ITGB3BP: variants seen among roughly 807,000 people sequenced by gnomAD.
ITGB3BP encodes centromere protein R.
In ITGB3BP, 27 loss-of-function variants were observed where a neutral mutation model predicts 29.1. The observed-to-expected ratio is 0.93, with a 90% CI of 0.68 to 1.28. The LOEUF is 1.28. ITGB3BP is among the 50% of genes most tolerant of loss of function. ITGB3BP has a pLI of 0.00. For missense variants in ITGB3BP, 192 were observed against 200.2 expected, an observed-to-expected ratio of 0.96 and a Z score of 0.25; for synonymous variants, 61 against 61.4, an observed-to-expected ratio of 0.99 and a Z score of 0.03.
chr1:63,520,343 T>G (rs1646419846), intron 1 of ITGB3BP, among the ~76,000 whole-genome samples: 1 of 152,152 alleles, frequency 6.6e-6, no homozygotes, highest in Non-Finnish European at 1.5e-5. Context: ...CCAAAGTCCA[T>G]GATTTTTCCA....
chr1:63,451,650 T>G (rs569012379), intron 7 of ITGB3BP: 14 of 151,960 alleles, frequency 9.2e-5, no homozygotes, highest in African/African-American at 3.4e-4. Flanking sequence ...CCCCCAAAAC[T>G]AATATGTATG....
intron 1 of ITGB3BP, among the ~76,000 whole-genome samples, chr1:63,520,183 A>C (rs1008865869): frequency 6.6e-6 from 1 of 152,008 alleles, no homozygotes; most frequent in Non-Finnish European, 1.5e-5. Context: ...CTGTCTACAT[A>C]GAATGAAATC....
At chr1:63,474,252 G>A (rs1201433153) in intron 4 of ITGB3BP, among the ~76,000 whole-genome samples, 58 of 131,828 alleles carry the variant, frequency 4.4e-4, no homozygotes, top group Non-Finnish European at 5.1e-4. Context: ...CTGGCCAGCC[G>A]CCCCGTCCGG....
At chr1:63,478,635 G>C in intron 4 of ITGB3BP, 129 bp downstream of exon 4, 1 of 533,364 alleles carries the variant, frequency 1.9e-6, no homozygotes, top group Non-Finnish European at 3.3e-6. Flanking sequence ...ACTTACTTAA[G>C]AAAGAATATT....
In ITGB3BP at chr1:63,454,062, AAAT is replaced by A. The variant is rs1333429541; in HGVS notation, c.428-91_428-89del. 7.7e-6 allele frequency: 5 copies of A among 647,998 alleles called. No individual in the cohort carries two copies. Among genetic ancestry groups the A allele is most frequent in the African/African-American group, 7.4e-5 (4 of 54,092 alleles). The allele number at this position is 647,998 out of a possible 1,614,324, so 40.1% of individuals were successfully genotyped here. A position where few individuals can be genotyped will look rare whatever the true frequency, so the allele number is the denominator to read the frequency against. On this transcript the variant is annotated intron_variant, in intron 6 of 8. Transcript: ENST00000271002. The surrounding 1 kb of genome is among the most constrained non-coding windows in gnomAD (Gnocchi z 4.1). ...TGCAACAAACAACTTCATGAGAAAA[AAAT>A]AATTCAAAATAATACATATTTATAA... is the stretch of plus-strand genomic sequence containing the variant.
At chr1:63,459,147 G>T (rs1644976939) in intron 4 of ITGB3BP, among the ~76,000 whole-genome samples, 1 of 151,414 alleles carries the variant, frequency 6.6e-6, no homozygotes, top group South Asian at 2.1e-4. Flanking sequence ...AGCACCCAAT[G>T]CTGCTTAACT....
At chr1:63,472,671 T>A (rs1645226023) in intron 4 of ITGB3BP, among the ~76,000 whole-genome samples, 1 of 151,060 alleles carries the variant, frequency 6.6e-6, no homozygotes, top group African/African-American at 2.4e-5. Flanking sequence ...GAGACGGGGT[T>A]TTGCTGTGTT....
At chr1:63,506,449 G>A (rs1015736342) in intron 2 of ITGB3BP, among the ~76,000 whole-genome samples, 3 of 152,056 alleles carry the variant, frequency 2.0e-5, no homozygotes, top group East Asian at 1.9e-4. Flanking sequence ...TCACTACCAC[G>A]AGGACAGTAT....
At chr1:63,449,829 AT>A (rs1305294325) in intron 7 of ITGB3BP, 1 of 154,476 alleles carries the variant, frequency 6.5e-6, no homozygotes, top group Non-Finnish European at 1.5e-5. Flanking sequence ...TTTGAAAAAA[AT>A]ATATTGTTTA....
At chr1:63,521,595 GC>G (rs1376402722) in intron 1 of ITGB3BP, among the ~76,000 whole-genome samples, 1 of 152,078 alleles carries the variant, frequency 6.6e-6, no homozygotes, top group African/African-American at 2.4e-5. Context: ...ACATTGGGAG[GC>G]TGAGGTGGAA....
At chr1:63,452,282 G>A (rs1248318138) in intron 7 of ITGB3BP, among the ~76,000 whole-genome samples, 6 of 152,090 alleles carry the variant, frequency 3.9e-5, no homozygotes, top group Non-Finnish European at 2.9e-5. Context: ...AAAGCTGTTT[G>A]CAAAGGCCAA....
upstream of ITGB3BP, chr1:63,525,804 T>C: frequency 1.5e-6 from 2 of 1,331,388 alleles, no homozygotes; most frequent in Non-Finnish European, 2.0e-6. Context: ...TTGTTGAAAG[T>C]TAATAAATAG....
chr1:63,469,480 C>A (rs1645158856), intron 4 of ITGB3BP, among the ~76,000 whole-genome samples: 1 of 152,138 alleles, frequency 6.6e-6, no homozygotes, highest in Non-Finnish European at 1.5e-5. Flanking sequence ...ACATGGGCAC[C>A]ATGCCCAGCT....
In ITGB3BP at chr1:63,510,347, T is replaced by C. The variant is rs146581149; in HGVS notation, c.6-1777A>G. ...AACTGTTCAAAATATTGCTTTGTTA[T>C]CAATGGTTAATTCTTAGACAAAGTA... On this transcript the variant is annotated intron_variant, in intron 1 of 8. Coordinates refer to ENST00000271002, the MANE Select transcript of ITGB3BP (RefSeq NM_014288.5). 7.8e-3 allele frequency among the ~76,000 whole-genome samples: 1,190 copies of C among 152,212 alleles called. 13 individuals carry two copies. Among genetic ancestry groups the C allele is most frequent in the African/African-American group, 0.026 (1,077 of 41,444 alleles).
At chr1:63,489,490 T>A (rs1408002529) in intron 3 of ITGB3BP, among the ~76,000 whole-genome samples, 1 of 151,104 alleles carries the variant, frequency 6.6e-6, no homozygotes, top group South Asian at 2.1e-4. Flanking sequence ...ACAACAAATA[T>A]GTATGGTCAA....
At chr1:63,492,096 A>G (rs569509072) in intron 2 of ITGB3BP, among the ~76,000 whole-genome samples, 2 of 152,204 alleles carry the variant, frequency 1.3e-5, no homozygotes, top group South Asian at 4.1e-4. Flanking sequence ...TCCAATTGCC[A>G]TATGTCTAAA....
chr1:63,526,003 G>A (rs74078249), upstream of ITGB3BP, among the ~76,000 whole-genome samples: 1,895 of 152,110 alleles, frequency 0.012, 45 homozygotes, highest in African/African-American at 0.044. Context: ...ATTACTACTT[G>A]CTTAAGATAC....
At chr1:63,493,338 C>A (rs1645705887) in intron 2 of ITGB3BP, among the ~76,000 whole-genome samples, 2 of 151,934 alleles carry the variant, frequency 1.3e-5, no homozygotes, top group Admixed American at 1.3e-4. Flanking sequence ...TCACTTGGAC[C>A]CAGGAGGCAG....
At chr1:63,494,126 A>G (rs1052758880) in intron 2 of ITGB3BP, among the ~76,000 whole-genome samples, 1 of 152,134 alleles carries the variant, frequency 6.6e-6, no homozygotes, top group African/African-American at 2.4e-5. Context: ...GAAGAGTACT[A>G]GATACCAACC....
Sources: allele counts gnomAD v4.1 joint callset (sites outside exome capture counted in the v4.1 genomes callset), GRCh38; gene constraint gnomAD v4.1.1; non-coding constraint Gnocchi (gnomAD v3.1); transcripts MANE v1.5; gene names NCBI Gene and HGNC (gene_info 2026-07-23, HGNC 2026-07-21).